The following SDK1 variants were observed in gnomAD, a reference collection of about 807,000 sequenced individuals.
SDK1 encodes the protein protein sidekick-1.
A neutral mutation model predicts 245.5 loss-of-function variants in SDK1; 157 were observed. The ratio of observed to expected loss-of-function variants is 0.64; its 90% CI spans 0.56 to 0.73. The LOEUF (loss-of-function observed/expected upper bound fraction) is 0.73, where lower values mean the gene tolerates loss of function less well. Among genes scored for constraint, SDK1 ranks in the 30% least tolerant of loss-of-function variants. SDK1 has a pLI of 0.00. For synonymous variants in SDK1, 1,647 were observed against 1,278.5 expected (o/e 1.29, Z -6.15); for missense variants, 3,583 against 3,002.3 (o/e 1.19, Z -4.52).
chr7:4,184,704 T>C lies in SDK1; in HGVS notation c.5098+6118T>C, dbSNP rs1265509382. Among the ~76,000 whole-genome samples, 4 of 152,186 alleles carry C rather than the reference T, an allele frequency of 2.6e-5. No individual in the cohort carries two copies. In the East Asian group the frequency reaches 7.7e-4, roughly 29 times the overall value. On this transcript the variant is annotated intron_variant, in intron 35 of 44. Transcript: ENST00000404826. The stretch of plus-strand genomic sequence containing the variant: ...GATGCACAAGCCCAGGCACTACAAA[T>C]TGGTAAAAATAATCCATCGGTAAGG...
intron 4 of SDK1, among the ~76,000 whole-genome samples, chr7:3,697,806 G>A (rs894878446): frequency 2.0e-5 from 3 of 152,166 alleles, no homozygotes; most frequent in Non-Finnish European, 4.4e-5. Flanking sequence ...TCATCAATCT[G>A]TGGAAGAGAA....
chr7:3,335,210 A>G (rs752389270), intron 1 of SDK1, among the ~76,000 whole-genome samples: 1 of 152,170 alleles, frequency 6.6e-6, no homozygotes, highest in African/African-American at 2.4e-5. Flanking sequence ...CACTTAGATT[A>G]TAAATACTAT....
At chr7:4,016,090 G>C (rs531161706) in intron 16 of SDK1, among the ~76,000 whole-genome samples, 70 of 152,362 alleles carry the variant, frequency 4.6e-4, no homozygotes, top group Non-Finnish European at 9.1e-4. Context: ...ACGCGTGTCT[G>C]TCTCAGCTCC....
chr7:3,698,684 T>G (rs1211603446), intron 4 of SDK1, among the ~76,000 whole-genome samples: 1 of 152,198 alleles, frequency 6.6e-6, no homozygotes, highest in South Asian at 2.1e-4. Flanking sequence ...AGCTCATTTC[T>G]TGGTGAGGGC....
At chr7:4,262,592 T>C (rs962885668) in intron 44 of SDK1, among the ~76,000 whole-genome samples, 1 of 151,640 alleles carries the variant, frequency 6.6e-6, no homozygotes, top group East Asian at 2.0e-4. Flanking sequence ...CACCCTGGCT[T>C]ATTCAGGCAG....
chr7:3,859,751 C>T (rs887508129), intron 5 of SDK1, among the ~76,000 whole-genome samples: 2 of 152,186 alleles, frequency 1.3e-5, no homozygotes, highest in Non-Finnish European at 2.9e-5. Flanking sequence ...ACTGAGTTAC[C>T]ACACTGCCCA....
At chr7:4,076,203 A>G (rs1331415838) in intron 20 of SDK1, among the ~76,000 whole-genome samples, 1 of 152,248 alleles carries the variant, frequency 6.6e-6, no homozygotes, top group Non-Finnish European at 1.5e-5. Flanking sequence ...AAGTGTTTCC[A>G]TGAATTAGTT....
intron 4 of SDK1, among the ~76,000 whole-genome samples, chr7:3,762,858 T>A (rs921285529): frequency 1.3e-5 from 2 of 152,260 alleles, no homozygotes; most frequent in African/African-American, 4.8e-5. Flanking sequence ...AAATCACACA[T>A]TTAAATGATT....
At chr7:3,540,456 G>T (rs1779022598) in intron 1 of SDK1, among the ~76,000 whole-genome samples, 1 of 152,080 alleles carries the variant, frequency 6.6e-6, no homozygotes, top group South Asian at 2.1e-4. Flanking sequence ...TCATTTAAGG[G>T]GCAAGTGGAA....
chr7:3,351,410 A>G (rs1175493423), intron 1 of SDK1, among the ~76,000 whole-genome samples: 4 of 152,152 alleles, frequency 2.6e-5, no homozygotes, highest in African/African-American at 9.7e-5. Context: ...AGGAGGCAGG[A>G]AAAACAGAAA....
intron 4 of SDK1, among the ~76,000 whole-genome samples, chr7:3,647,072 A>G (rs1782861979): frequency 6.6e-6 from 1 of 152,220 alleles, no homozygotes; most frequent in African/African-American, 2.4e-5. Context: ...GCCACTAACT[A>G]TACTTAAAAG....
intron 17 of SDK1, among the ~76,000 whole-genome samples, chr7:4,034,518 A>C (rs193228097): frequency 9.8e-5 from 15 of 152,340 alleles, no homozygotes; most frequent in African/African-American, 3.4e-4. Context: ...TGTAAATTTG[A>C]AATATTTCAA....
chr7:3,303,510 T>C (rs1167027021), intron 1 of SDK1, among the ~76,000 whole-genome samples: 2 of 152,238 alleles, frequency 1.3e-5, no homozygotes, highest in African/African-American at 4.8e-5. Context: ...AAGCATTGCA[T>C]TTTAACAACT....
chr7:3,455,259 G>A (rs1384610942), intron 1 of SDK1, among the ~76,000 whole-genome samples: 1 of 151,398 alleles, frequency 6.6e-6, no homozygotes, highest in Non-Finnish European at 1.5e-5. Flanking sequence ...ATCTTACGAG[G>A]GTTTTCACAA....
At chr7:3,449,103 C>T (rs1043546439) in intron 1 of SDK1, among the ~76,000 whole-genome samples, 2 of 152,178 alleles carry the variant, frequency 1.3e-5, no homozygotes, top group African/African-American at 4.8e-5. Flanking sequence ...TTTTCACATA[C>T]AGAGAAATTA....
chr7:4,015,793 G>C (rs1786348615), intron 16 of SDK1, among the ~76,000 whole-genome samples: 1 of 152,216 alleles, frequency 6.6e-6, no homozygotes, highest in South Asian at 2.1e-4. Flanking sequence ...GCAAGAGACA[G>C]AAGGAGGCCC....
intron 4 of SDK1, among the ~76,000 whole-genome samples, chr7:3,696,980 A>G (rs1177744456): frequency 6.6e-6 from 1 of 152,140 alleles, no homozygotes; most frequent in Non-Finnish European, 1.5e-5. Context: ...GTAGTGCGAA[A>G]TAGAACTTGT....
rs994964217 is a variant in SDK1, at chr7:4,005,442, A to T, written c.2132-5524A>T. Among the ~76,000 whole-genome samples the T allele has an allele frequency of 3.7e-5, 5 of 134,152 alleles. No individual in the cohort carries two copies. In the South Asian group the frequency reaches 1.2e-3, roughly 32 times the overall value. The allele number at this position is 134,152 out of a possible 152,430, so 88.0% of individuals were successfully genotyped here. ...TGTGTGTGTGTGTGTGTGTGTTAATACTTCTTGGGTATTGCAGGTACTTCC... is the reference window on the plus strand; with the variant it reads ...TGTGTGTGTGTGTGTGTGTGTTAATTCTTCTTGGGTATTGCAGGTACTTCC... On this transcript the variant is annotated intron_variant, in intron 14 of 44. Transcript: ENST00000404826.
At chr7:3,743,193 T>G (rs1481712666) in intron 4 of SDK1, among the ~76,000 whole-genome samples, 2 of 151,728 alleles carry the variant, frequency 1.3e-5, no homozygotes, top group African/African-American at 4.8e-5. Context: ...TAAGAGAGGG[T>G]GGGGAGACTC....
Sources: allele counts gnomAD v4.1 joint callset (sites outside exome capture counted in the v4.1 genomes callset), GRCh38; gene constraint gnomAD v4.1.1; transcripts MANE v1.5; gene names NCBI Gene and HGNC (gene_info 2026-07-23, HGNC 2026-07-21).